GNAI1: variants seen among roughly 807,000 people sequenced by gnomAD.
GNAI1 encodes the protein G protein subunit alpha i1.
Under a neutral mutation model 38.9 loss-of-function variants are expected in GNAI1, and 11 were observed. That is an observed-to-expected ratio of 0.28 (90% CI 0.18 to 0.47). The LOEUF (loss-of-function observed/expected upper bound fraction) is 0.47. Ranked by LOEUF, GNAI1 falls within the 20% of genes least tolerant of loss-of-function variation. The pLI, the probability that GNAI1 is intolerant of heterozygous loss-of-function variation, is 0.99. For synonymous variants in GNAI1, 166 were observed against 145.1 expected (o/e 1.14, Z -1.04); for missense variants, 317 against 436.9 (o/e 0.73, Z 2.45).
At chr7:80,215,542 A>G (rs114852788) in intron 7 of GNAI1, among the ~76,000 whole-genome samples, 411 of 152,332 alleles carry the variant, frequency 2.7e-3, no homozygotes, top group African/African-American at 8.9e-3. Context: ...CTCATAATCT[A>G]TGCTGTCATA....
chr7:80,217,295 C>T lies in GNAI1; in HGVS notation c.875-8C>T. 3 of 1,485,666 alleles carry T rather than the reference C, an allele frequency of 2.0e-6. No homozygotes were observed. Among genetic ancestry groups the T allele is most frequent in the Non-Finnish European group, 9.0e-7 (1 of 1,110,912 alleles). 92.0% of individuals were successfully genotyped at this position (1,485,666 alleles called of 1,614,324 possible). A position where few individuals can be genotyped will look rare whatever the true frequency, so the allele number is the denominator to read the frequency against. ...TGCATTTATGTTTCTTTCCTTTTTC[C>T]ATCTCAGGATCAAACACATATGAAG... On this transcript the variant is annotated splice_region_variant and splice_polypyrimidine_tract_variant and intron_variant, in intron 7 of 7. Transcript: ENST00000649796.
chr7:80,206,778 T>C (rs1434537892), intron 5 of GNAI1, among the ~76,000 whole-genome samples: 1 of 152,064 alleles, frequency 6.6e-6, no homozygotes, highest in African/African-American at 2.4e-5. Flanking sequence ...ATATACACCA[T>C]GTTTCTTCGT....
At chr7:80,158,501 G>A (rs1023187179) in intron 1 of GNAI1, among the ~76,000 whole-genome samples, 5 of 152,182 alleles carry the variant, frequency 3.3e-5, no homozygotes, top group Non-Finnish European at 5.9e-5. Context: ...CTGTTCTTAC[G>A]ATCGTGATTT....
intron 1 of GNAI1, among the ~76,000 whole-genome samples, chr7:80,136,322 A>G (rs1161661808): frequency 6.6e-6 from 1 of 152,202 alleles, no homozygotes; most frequent in Non-Finnish European, 1.5e-5. Context: ...TTGCATTTCC[A>G]AGGACTGCTT....
intron 1 of GNAI1, among the ~76,000 whole-genome samples, chr7:80,175,728 T>G (rs1012087366): frequency 6.6e-6 from 1 of 152,190 alleles, no homozygotes; most frequent in African/African-American, 2.4e-5. Flanking sequence ...GTTACTATTC[T>G]AATTGTTTTA....
chr7:80,180,712 T>C (rs1275214250), intron 1 of GNAI1, among the ~76,000 whole-genome samples: 1 of 152,164 alleles, frequency 6.6e-6, no homozygotes, highest in African/African-American at 2.4e-5. Flanking sequence ...GGTGGATTTG[T>C]CTGCAGTTAC....
At chr7:80,139,009 G>T (rs1284677408) in intron 1 of GNAI1, among the ~76,000 whole-genome samples, 1 of 152,100 alleles carries the variant, frequency 6.6e-6, no homozygotes, top group Non-Finnish European at 1.5e-5. Flanking sequence ...GCTATGCAGG[G>T]CTTTTGATTT....
rs564510716 is a variant in GNAI1, at chr7:80,194,004, C to G, written c.303+4773C>G. 3.3e-5 allele frequency among the ~76,000 whole-genome samples: 5 copies of G among 152,226 alleles called. No homozygotes were observed. The East Asian group carries it at 7.7e-4, about 24-fold the overall frequency. ...CCTGCATAATGGCCATTTTTCTGTT[C>G]CAATAACTTTGTTATTTACTTTCAT... is the stretch of plus-strand genomic sequence containing the variant. On this transcript the variant is annotated intron_variant, in intron 3 of 7. Coordinates refer to ENST00000649796, the MANE Select transcript of GNAI1 (RefSeq NM_002069.6).
At position 80,224,323 on chromosome 7, in the gene GNAI1, T is replaced by C. The variant is rs1789125544; in HGVS notation, c.*6830T>C. 6.6e-6 allele frequency among the ~76,000 whole-genome samples: 1 copy of C among 152,186 alleles called. No homozygotes were observed. Among genetic ancestry groups the C allele is most frequent in the South Asian group, 2.1e-4 (1 of 4,824 alleles). ...TATAAGGAAACACATTTAAGAGAGGTTAGTATTTTGTGCAATGTTGGCTAT... is the reference window on the plus strand; with the variant it reads ...TATAAGGAAACACATTTAAGAGAGGCTAGTATTTTGTGCAATGTTGGCTAT... On this transcript the variant is annotated 3_prime_UTR_variant, in exon 8 of 8. Transcript: ENST00000649796.
chr7:80,179,479 G>A (rs1274650454), intron 1 of GNAI1, among the ~76,000 whole-genome samples: 5 of 152,208 alleles, frequency 3.3e-5, no homozygotes, highest in Admixed American at 6.5e-5. Flanking sequence ...CCTGCCATTT[G>A]GGAAGGAAAA....
rs1396776828 is a variant in GNAI1 at position 80,217,386 on chromosome 7, T to C, written c.958T>C (p.Tyr320His). 2 of 1,605,626 alleles carry C rather than the reference T, an allele frequency of 1.2e-6. No homozygotes were observed. Among genetic ancestry groups the C allele is most frequent in the Non-Finnish European group, 1.7e-6 (2 of 1,173,790 alleles). Residue 320 changes from tyrosine (Y) to histidine (H), a missense_variant, in exon 8 of 8, where the codon TAC (tyrosine) becomes CAC (histidine). Coordinates refer to ENST00000649796, the MANE Select transcript of GNAI1 (RefSeq NM_002069.6). ...TAAAAGAAAGGACACAAAGGAAATA[T>C]ACACCCACTTCACATGTGCCACAGA... ...LNKRKDTKEIYTHFTCATDTK... is the reference protein window; with the variant it reads ...LNKRKDTKEIHTHFTCATDTK...
At chr7:80,205,142 A>G (rs143811335) in intron 5 of GNAI1, among the ~76,000 whole-genome samples, 15 of 152,280 alleles carry the variant, frequency 9.9e-5, no homozygotes, top group African/African-American at 2.6e-4. Flanking sequence ...TCTGAAGTCA[A>G]TGACTAATTT....
intron 1 of GNAI1, among the ~76,000 whole-genome samples, chr7:80,156,716 G>C (rs1787824948): frequency 6.6e-6 from 1 of 152,186 alleles, no homozygotes; most frequent in Non-Finnish European, 1.5e-5. Flanking sequence ...TTACAGGAGT[G>C]AGCTGCTGTG....
chr7:80,151,183 C>T (rs1190017534), intron 1 of GNAI1, among the ~76,000 whole-genome samples: 1 of 152,182 alleles, frequency 6.6e-6, no homozygotes, highest in African/African-American at 2.4e-5. Flanking sequence ...GAGTGCCCTT[C>T]CACCCTTACC....
intron 1 of GNAI1, among the ~76,000 whole-genome samples, chr7:80,165,156 C>A (rs1011256803): frequency 6.6e-6 from 1 of 152,172 alleles, no homozygotes; most frequent in Middle Eastern, 3.4e-3. Context: ...TATTGTTCAT[C>A]TCTGGAGGGA....
chr7:80,212,301 G>A (rs1421307977), intron 6 of GNAI1, among the ~76,000 whole-genome samples: 3 of 151,960 alleles, frequency 2.0e-5, no homozygotes, highest in African/African-American at 7.3e-5. Flanking sequence ...TTAGAGTATT[G>A]GGCTAATTGG....
intron 1 of GNAI1, chr7:80,136,112 T>C (rs1787411428): frequency 1.1e-6 from 1 of 872,000 alleles, no homozygotes; most frequent in African/African-American, 1.8e-5. Context: ...CACTGTTCTG[T>C]TCGTGAAACG....
At position 80,205,997 on chromosome 7, in the gene GNAI1, CTAAG is replaced by C. The variant is rs1444800490; in HGVS notation, c.590+2167_590+2170del. On this transcript the variant is annotated intron_variant, in intron 5 of 7. Transcript: ENST00000649796. ...AAAATCATCTTGGAAAAAAAGGTTC[CTAAG>C]TGAGAGAAAAAATAATTATCAGTTC... Among the ~76,000 whole-genome samples, 9 of 152,064 alleles carry C rather than the reference CTAAG, an allele frequency of 5.9e-5. 1 individual carries two copies. In the Middle Eastern group the frequency reaches 0.01, roughly 172 times the overall value.
chr7:80,217,454 C>A lies in GNAI1; in HGVS notation c.1026C>A (p.Val342=), dbSNP rs1429027347. The change falls in exon 8 of 8, where the codon GTC becomes GTA. Residue 342 remains valine, a synonymous_variant. Coordinates refer to ENST00000649796, the MANE Select transcript of GNAI1 (RefSeq NM_002069.6). ...TTGTTTTTGATGCTGTAACAGATGT[C>A]ATCATAAAAAATAATCTAAAAGATT... ...VQFVFDAVTD[V]IIKNNLKDCG... is the part of the protein sequence containing the mutation. The A allele has an allele frequency of 6.2e-7, 1 of 1,602,848 alleles. No individual in the cohort carries two copies. Among genetic ancestry groups the A allele is most frequent in the African/African-American group, 1.3e-5 (1 of 74,410 alleles).
Sources: allele counts gnomAD v4.1 joint callset (sites outside exome capture counted in the v4.1 genomes callset), GRCh38; gene constraint gnomAD v4.1.1; transcripts MANE v1.5; gene names NCBI Gene and HGNC (gene_info 2026-07-23, HGNC 2026-07-21).